MTCL3: variants seen among roughly 807,000 people sequenced by gnomAD.
MTCL3 encodes MTCL family member 3.
chr6:127,490,672 C>T, the MTCL3 span, among the ~76,000 whole-genome samples: 1 of 151,986 alleles, frequency 6.6e-6, no homozygotes, highest in Non-Finnish European at 1.5e-5. Context: ...CAAAAATTAG[C>T]CTAGTGTAGT....
chr6:127,512,975 A>G, the MTCL3 span: 1 of 1,611,918 alleles, frequency 6.2e-7, no homozygotes, highest in Non-Finnish European at 8.5e-7. Flanking sequence ...TCTCATTTTC[A>G]TCTTCTGTTG....
the MTCL3 span, among the ~76,000 whole-genome samples, chr6:127,510,056 C>G: frequency 6.6e-6 from 1 of 152,136 alleles, no homozygotes. Context: ...ATCTTCCACT[C>G]TTTCTCCCTT....
chr6:127,496,361 T>A, the MTCL3 span, among the ~76,000 whole-genome samples: 2 of 152,282 alleles, frequency 1.3e-5, 1 homozygote, highest in Middle Eastern at 6.8e-3. Context: ...AAAACTAACA[T>A]GGTAGTCAAG....
chr6:127,504,526 T>C, the MTCL3 span, among the ~76,000 whole-genome samples: 1 of 152,198 alleles, frequency 6.6e-6, no homozygotes, highest in Non-Finnish European at 1.5e-5. Flanking sequence ...GCAAGGCCAT[T>C]CACAGGCAGC....
At chr6:127,496,778 G>A in the MTCL3 span, among the ~76,000 whole-genome samples, 1 of 152,182 alleles carries the variant, frequency 6.6e-6, no homozygotes, top group African/African-American at 2.4e-5. Flanking sequence ...ATATGACACA[G>A]ATGAATGAAT....
chr6:127,510,882 C>G, the MTCL3 span, among the ~76,000 whole-genome samples: 1 of 151,698 alleles, frequency 6.6e-6, no homozygotes, highest in Non-Finnish European at 1.5e-5. Flanking sequence ...CCCAGCTGCT[C>G]AGGATGAAAT....
chr6:127,496,765 A>T, the MTCL3 span, among the ~76,000 whole-genome samples: 2 of 152,248 alleles, frequency 1.3e-5, no homozygotes, highest in African/African-American at 4.8e-5. Flanking sequence ...CTATGGATAC[A>T]TGATATGACA....
chr6:127,473,250 A>C, the MTCL3 span: 2 of 1,484,302 alleles, frequency 1.3e-6, no homozygotes, highest in Non-Finnish European at 1.8e-6. Context: ...CAAACTGAAA[A>C]TACTACAATG....
the MTCL3 span, chr6:127,483,019 A>G: frequency 6.7e-7 from 1 of 1,499,058 alleles, no homozygotes; most frequent in Non-Finnish European, 9.1e-7. Context: ...AGTTGGATAA[A>G]CTATAATTTT....
the MTCL3 span, among the ~76,000 whole-genome samples, chr6:127,499,934 T>G: frequency 6.6e-6 from 1 of 152,172 alleles, no homozygotes; most frequent in African/African-American, 2.4e-5. Context: ...TAGATCCCAC[T>G]GGGAGGACCC....
the MTCL3 span, among the ~76,000 whole-genome samples, chr6:127,479,533 G>C: frequency 6.6e-6 from 1 of 152,114 alleles, no homozygotes; most frequent in African/African-American, 2.4e-5. Flanking sequence ...AACAGCAGTG[G>C]GTGTGATACA....
At chr6:127,496,819 A>G in the MTCL3 span, among the ~76,000 whole-genome samples, 2 of 152,248 alleles carry the variant, frequency 1.3e-5, no homozygotes, top group South Asian at 2.1e-4. Flanking sequence ...CCAATGGGGT[A>G]TTATTTGGCA....
chr6:127,505,086 G>A, the MTCL3 span, among the ~76,000 whole-genome samples: 1 of 152,164 alleles, frequency 6.6e-6, no homozygotes, highest in Non-Finnish European at 1.5e-5. Flanking sequence ...TTCCTAGAGT[G>A]TAGAGCCAAG....
chr6:127,515,008 T>G, the MTCL3 span: 1 of 1,614,142 alleles, frequency 6.2e-7, no homozygotes, highest in Non-Finnish European at 8.5e-7. The surrounding 1 kb of genome is among the most constrained non-coding windows in gnomAD (Gnocchi z 4.3). Flanking sequence ...AAAGTGTCCC[T>G]CATCTCGTCC....
At chr6:127,507,842 C>CAAAAAAAAAAAAAAA in the MTCL3 span, among the ~76,000 whole-genome samples, 3 of 82,088 alleles carry the variant, frequency 3.7e-5, no homozygotes, top group African/African-American at 5.7e-5. Flanking sequence ...GACTATGTCT[C>CAAAAAAAAAAAAAAA]AAAAAAAAAA....
chr6:127,476,510 T>C, the MTCL3 span: 11 of 1,476,476 alleles, frequency 7.5e-6, no homozygotes, highest in Non-Finnish European at 1.0e-5. The surrounding 1 kb of genome is among the most constrained non-coding windows in gnomAD (Gnocchi z 4.4). Context: ...GAGATCATTT[T>C]TATGTAAATC....
the MTCL3 span, among the ~76,000 whole-genome samples, chr6:127,479,629 G>A: frequency 6.6e-6 from 1 of 152,182 alleles, no homozygotes; most frequent in East Asian, 1.9e-4. Flanking sequence ...GTATGTAAGC[G>A]CTCCTGCCCA....
the MTCL3 span, among the ~76,000 whole-genome samples, chr6:127,495,878 C>T: frequency 0.14 from 20,983 of 151,990 alleles, 2,269 homozygotes; most frequent in East Asian, 0.64. Context: ...ACTTGAAGAA[C>T]GGGTAAAGTT....
the MTCL3 span, among the ~76,000 whole-genome samples, chr6:127,486,633 G>A: frequency 2.4e-4 from 36 of 152,100 alleles, no homozygotes; most frequent in African/African-American, 7.5e-4. Context: ...AGATAAATAC[G>A]TTGAAAACAT....
Sources: gnomAD v4.1 joint callset for allele counts (sites outside exome capture counted in the v4.1 genomes callset) on GRCh38, gnomAD v4.1.1 for gene constraint, Gnocchi (gnomAD v3.1) non-coding constraint, MANE v1.5 for transcripts, NCBI Gene and HGNC (gene_info 2026-07-23, HGNC 2026-07-21) for gene names.